HUWE1: variants seen among roughly 807,000 people sequenced by gnomAD.
HUWE1 encodes E3 ubiquitin-protein ligase HUWE1.
HUWE1 carries 18 observed loss-of-function variants against 299.4 expected under a neutral mutation model. The observed-to-expected ratio is 0.06, with a 90% CI of 0.04 to 0.09. The LOEUF is 0.09. Among genes scored for constraint, HUWE1 ranks in the 10% least tolerant of loss-of-function variants. HUWE1 has a pLI of 1.00. For synonymous variants in HUWE1, 1,317 were observed against 1,286.1 expected (o/e 1.02, Z -0.51); for missense variants, 1,832 against 3,462.3 (o/e 0.53, Z 11.82).
At position 53,632,553 on chromosome X, in the gene HUWE1, G is replaced by A. The variant is rs186622568; in HGVS notation, c.579C>T (p.Pro193=). 1.3e-5 allele frequency: 16 copies of A among 1,191,886 alleles called. No homozygotes were observed. In the South Asian group the frequency reaches 2.3e-4, roughly 17 times the overall value. Reference sequence around the variant, plus strand: ...ATTCAAAGTGTAGTGTAGTTGCACTGGGTGGATATTTCTGTGTATAAAGCA... The same window carrying A: ...ATTCAAAGTGTAGTGTAGTTGCACTAGGTGGATATTTCTGTGTATAAAGCA... The part of the protein sequence containing the change: ...CRDLHMMKYP[P]SATTLHFEFY... Residue 193 remains proline (P), a synonymous_variant, in exon 9 of 84, where the codon CCC becomes CCT. Transcript: ENST00000262854.
intron 40 of HUWE1, among the ~76,000 whole-genome samples, chrX:53,584,615 C>G (rs1162304764): frequency 9.0e-6 from 1 of 111,530 alleles, no homozygotes; most frequent in South Asian, 3.8e-4. Flanking sequence ...AAAATCATTT[C>G]TAAGAGGGAT....
intron 42 of HUWE1, among the ~76,000 whole-genome samples, chrX:53,581,823 C>T (rs191528661): frequency 5.4e-5 from 6 of 111,843 alleles, no homozygotes; most frequent in Admixed American, 9.5e-5. Flanking sequence ...CAGCCCCCAA[C>T]TGCTGGACAT....
At chrX:53,556,496 G>A (rs1399446685) in intron 60 of HUWE1, among the ~76,000 whole-genome samples, 5 of 112,237 alleles carry the variant, frequency 4.5e-5, no homozygotes, top group South Asian at 3.7e-4. Context: ...ACTCAAGTGC[G>A]AAAGGAGACA....
intron 3 of HUWE1, among the ~76,000 whole-genome samples, chrX:53,676,493 A>C (rs782582171): frequency 3.3e-4 from 37 of 112,149 alleles, no homozygotes; most frequent in African/African-American, 1.2e-3. Flanking sequence ...GAAAAGTGGA[A>C]CTTGATAGAA....
chrX:53,583,707 A>G lies in HUWE1; in HGVS notation c.5371T>C (p.Tyr1791His). 1 of 1,211,088 alleles carries G rather than the reference A, an allele frequency of 8.3e-7. No individual in the cohort carries two copies. The highest frequency in any genetic ancestry group is 1.1e-6 in the Non-Finnish European group (1 of 895,141). ...TTCAGTTCTGCAAACATCATGGCATATTTGTGGTCCCGGGTGAGCCTCAGA... is the reference window on the plus strand; with the variant it reads ...TTCAGTTCTGCAAACATCATGGCATGTTTGTGGTCCCGGGTGAGCCTCAGA... ...LCLRLTRDHKYAMMFAELKST... is the reference protein window; with the variant it reads ...LCLRLTRDHKHAMMFAELKST... Residue 1791 changes from tyrosine to histidine, a missense_variant, in exon 42 of 84, where the codon TAT (tyrosine) becomes CAT (histidine). Transcript: ENST00000262854.
At chrX:53,558,559 T>C (rs1468548756) in intron 59 of HUWE1, 96 bp downstream of exon 59, 5 of 877,908 alleles carry the variant, frequency 5.7e-6, no homozygotes, top group Non-Finnish European at 8.4e-6. Context: ...GTGAACGTTC[T>C]AGGATTCTTC....
At chrX:53,619,480 T>C (rs1191258763) in intron 19 of HUWE1, among the ~76,000 whole-genome samples, 2 of 105,601 alleles carry the variant, frequency 1.9e-5, no homozygotes, top group African/African-American at 7.0e-5. Flanking sequence ...AATTAAAGGG[T>C]ATATACACGC....
intron 49 of HUWE1, among the ~76,000 whole-genome samples, chrX:53,566,150 T>TATAC (rs2062550518): frequency 1.0e-5 from 1 of 95,267 alleles, no homozygotes; most frequent in Non-Finnish European, 2.1e-5. Flanking sequence ...TATATATATA[T>TATAC]ATATATATAT....
At chrX:53,601,127 T>C (rs1422626691) in intron 28 of HUWE1, among the ~76,000 whole-genome samples, 1 of 111,522 alleles carries the variant, frequency 9.0e-6, no homozygotes, top group Non-Finnish European at 1.9e-5. Context: ...GTCAGCTTTA[T>C]TAGTTCCTTA....
intron 47 of HUWE1, among the ~76,000 whole-genome samples, chrX:53,570,759 A>G (rs1174676922): frequency 8.9e-6 from 1 of 112,304 alleles, no homozygotes; most frequent in Non-Finnish European, 1.9e-5. Context: ...TACACTGAAC[A>G]TTTTTGGAAC....
chrX:53,613,726 C>T (rs1349423172), intron 23 of HUWE1, among the ~76,000 whole-genome samples: 5 of 111,361 alleles, frequency 4.5e-5, no homozygotes, highest in South Asian at 3.8e-4. Context: ...TAATCTGGAA[C>T]GAACAGATAG....
intron 3 of HUWE1, among the ~76,000 whole-genome samples, chrX:53,665,924 G>A (rs1557047360): frequency 9.0e-6 from 1 of 111,221 alleles, no homozygotes; most frequent in Non-Finnish European, 1.9e-5. Context: ...CCTGAGGTGG[G>A]AGGATCACTT....
In HUWE1 at chrX:53,560,414, C is replaced by T; in HGVS notation, c.7510G>A (p.Asp2504Asn). ...ATATTTCCTGGGGATGGGGGGATGT[C>T]TGCTGCAAGGACAATATGTAAAAGG... Reference protein sequence around the residue: ...EFDNMFSSATDIPPSPGNIPT... With the variant: ...EFDNMFSSATNIPPSPGNIPT... The change falls in exon 56 of 84, where the codon GAC becomes AAC. Residue 2504 changes from aspartate to asparagine, a missense_variant and splice_region_variant. By Grantham distance (23) the Asp-to-Asn change is conservative. Coordinates refer to ENST00000262854, the MANE Select transcript of HUWE1 (RefSeq NM_031407.7). 8.3e-7 allele frequency: 1 copy of T among 1,205,873 alleles called. No individual in the cohort carries two copies. The highest frequency in any genetic ancestry group is 1.1e-6 in the Non-Finnish European group (1 of 890,517).
In HUWE1 at chrX:53,603,374, G is replaced by A. The variant is rs1816313000; in HGVS notation, c.2870C>T (p.Pro957Leu). 2 of 1,208,584 alleles carry A rather than the reference G, an allele frequency of 1.7e-6. No individual in the cohort carries two copies. The highest frequency in any genetic ancestry group is 1.1e-6 in the Non-Finnish European group (1 of 893,226). ...ESTVLLSLCT[P>L]NSLPSGCEFG... ...GAGAGAGCCATTCTCTTACCTGTTT[G>A]GGGTACACAGAGAGAGGAGGACAGT... The change falls in exon 27 of 84, where the codon CCA becomes CTA. Residue 957 changes from proline to leucine, a missense_variant. By Grantham distance (98) the Pro-to-Leu change is moderately conservative. This residue lies in a region of HUWE1 where 658 missense variants were observed against 1,282.6 expected (regional missense o/e 0.51). Coordinates refer to ENST00000262854, the MANE Select transcript of HUWE1 (RefSeq NM_031407.7).
chrX:53,584,188 T>C lies in HUWE1; in HGVS notation c.5159A>G (p.Asn1720Ser), dbSNP rs1556970919. 5.8e-6 allele frequency: 7 copies of C among 1,206,462 alleles called. No homozygotes were observed. The Admixed American group carries it at 1.1e-4, about 19-fold the overall frequency. ...GGTAAAACACTCTTGGTACATACCA[T>C]TGCCTTTATTTTCTTTACGTTTGAT... ...MDIKRKENKG[N>S]DTPLALESTN... Residue 1720 changes from asparagine (N) to serine (S), a missense_variant and splice_region_variant, in exon 41 of 84, where the codon AAT (asparagine) becomes AGT (serine). Transcript: ENST00000262854.
intron 3 of HUWE1, among the ~76,000 whole-genome samples, chrX:53,664,939 T>C (rs1399081423): frequency 8.9e-6 from 1 of 111,873 alleles, no homozygotes; most frequent in African/African-American, 3.3e-5. Flanking sequence ...ACTCAACAAA[T>C]ATTGTGAAAA....
chrX:53,609,473 C>T (rs2065328098), intron 23 of HUWE1, among the ~76,000 whole-genome samples: 1 of 112,021 alleles, frequency 8.9e-6, no homozygotes, highest in Admixed American at 9.5e-5. Flanking sequence ...GATTCATACA[C>T]CTGAGGTCTC....
At chrX:53,594,699 C>G (rs1556983197) in intron 30 of HUWE1, 78 bp from the exon 31 acceptor site, 2 of 1,054,777 alleles carry the variant, frequency 1.9e-6, no homozygotes, top group African/African-American at 3.7e-5. Flanking sequence ...ATGTAAAAGG[C>G]AAGAGTAAAA....
At chrX:53,610,440 G>A (rs2065388610) in intron 23 of HUWE1, among the ~76,000 whole-genome samples, 3 of 111,709 alleles carry the variant, frequency 2.7e-5, no homozygotes, top group Non-Finnish European at 5.6e-5. Context: ...TAATCAAAAT[G>A]ATCAACTCTT....
Sources: allele counts gnomAD v4.1 joint callset (sites outside exome capture counted in the v4.1 genomes callset), GRCh38; gene constraint gnomAD v4.1.1; regional missense constraint gnomAD v4.1.1; transcripts MANE v1.5; gene names NCBI Gene and HGNC (gene_info 2026-07-23, HGNC 2026-07-21).